Variants in CUL4A observed in about 807,000 individuals in gnomAD.
CUL4A encodes cullin 4A.
In CUL4A, 16 loss-of-function variants were observed where a neutral mutation model predicts 95.5. That is an observed-to-expected ratio of 0.17 (90% CI 0.11 to 0.25). The LOEUF is 0.25. Ranked by LOEUF, CUL4A falls within the 10% of genes least tolerant of loss-of-function variation. CUL4A has a pLI of 1.00. For synonymous variants in CUL4A, 380 were observed against 353.1 expected, an observed-to-expected ratio of 1.08 and a Z score of -0.85; for missense variants, 610 against 937.0, an observed-to-expected ratio of 0.65 and a Z score of 4.56.
intron 19 of CUL4A, among the ~76,000 whole-genome samples, chr13:113,261,051 CATA>C (rs1172049828): frequency 2.0e-5 from 3 of 152,170 alleles, no homozygotes; most frequent in South Asian, 2.1e-4. Context: ...ACACTTTTCT[CATA>C]GTAGTAGCGG....
rs1434362654 is a variant in CUL4A at position 113,266,961 on chromosome 13, CA to C, written c.*3380del. 2.6e-5 allele frequency: 4 copies of C among 152,154 alleles called. No homozygotes were observed. The highest frequency in any genetic ancestry group is 9.7e-5 in the African/African-American group (4 of 41,428). The allele number at this position is 152,154 out of a possible 1,614,324, so 9.4% of individuals were successfully genotyped here. A position where few individuals can be genotyped will look rare whatever the true frequency, so the allele number is the denominator to read the frequency against. On this transcript the variant is annotated 3_prime_UTR_variant, in exon 20 of 20. Coordinates refer to ENST00000375440, the MANE Select transcript of CUL4A (RefSeq NM_001008895.4). ...GACTAGTCAAGCTAGTTACATCCAT[CA>C]CCTCAAATACTTAACATTTTTGTAG...
At position 113,232,866 on chromosome 13, in the gene CUL4A, C is replaced by T. The variant is rs77407504; in HGVS notation, c.513-311C>T. On this transcript the variant is annotated intron_variant, in intron 5 of 19. Transcript: ENST00000375440. ...CCAACTGCCTGAGTGTCTCCCGTCG[C>T]TCAGCAGGAAGGTGGCGAGGACCCC... is the stretch of plus-strand genomic sequence containing the variant. Among the ~76,000 whole-genome samples the T allele has an allele frequency of 3.2e-4, 48 of 152,210 alleles. No individual in the cohort carries two copies. The East Asian group carries it at 8.9e-3, about 28-fold the overall frequency.
At chr13:113,211,957 G>A (rs1004542873) in intron 2 of CUL4A, among the ~76,000 whole-genome samples, 2 of 152,130 alleles carry the variant, frequency 1.3e-5, no homozygotes, top group African/African-American at 4.8e-5. Context: ...GGGAGCTCCA[G>A]TTCCACTCCG....
At chr13:113,246,944 G>A (rs189036819) in intron 15 of CUL4A, among the ~76,000 whole-genome samples, 13 of 152,286 alleles carry the variant, frequency 8.5e-5, no homozygotes, top group Non-Finnish European at 1.9e-4. Flanking sequence ...ACCTGGGGCT[G>A]GGTAATTTGT....
intron 3 of CUL4A, among the ~76,000 whole-genome samples, chr13:113,225,735 T>C (rs1455459016): frequency 6.6e-6 from 1 of 152,268 alleles, no homozygotes; most frequent in East Asian, 1.9e-4. Flanking sequence ...GAGTCAGAGC[T>C]GCAGGATGGC....
At position 113,260,708 on chromosome 13, in the gene CUL4A, T is replaced by G; in HGVS notation, c.2133T>G (p.Gly711=). ...TAATGAAGATGAGAAAGACTCTTGG[T>G]CATAATCTTCTAGTTTCTGAATTAT... The part of the protein sequence containing the change: ...VRIMKMRKTL[G]HNLLVSELYN... The change falls in exon 19 of 20, where the codon GGT becomes GGG. Residue 711 remains glycine (G), a synonymous_variant. Transcript: ENST00000375440. 1 of 1,608,624 alleles carries G rather than the reference T, an allele frequency of 6.2e-7. No individual in the cohort carries two copies. The highest frequency in any genetic ancestry group is 1.1e-5 in the South Asian group (1 of 90,020).
Position 113,266,830 on chromosome 13 carries a change from A to G in CUL4A, c.*3248A>G, listed in dbSNP as rs1566384213. ...GTCAAGTATTTACGTGTAAAAAAAT[A>G]CATATATATGAAACCATAATCATAA... On this transcript the variant is annotated 3_prime_UTR_variant, in exon 20 of 20. Coordinates refer to ENST00000375440, the MANE Select transcript of CUL4A (RefSeq NM_001008895.4). The G allele has an allele frequency of 6.7e-6, 1 of 149,772 alleles. No homozygotes were observed. The highest frequency in any genetic ancestry group is 1.5e-5 in the Non-Finnish European group (1 of 68,036). 9.3% of individuals were successfully genotyped at this position (149,772 alleles called of 1,614,324 possible).
chr13:113,265,423 T>C lies in CUL4A; in HGVS notation c.*1841T>C, dbSNP rs1294368253. On this transcript the variant is annotated 3_prime_UTR_variant, in exon 20 of 20. Transcript: ENST00000375440. ...TTTTAATTGAGGTGGAGTCTTGCTC[T>C]GTTGCCCAAGCTGGAGTGCAGTGGT... 6.6e-6 allele frequency: 1 copy of C among 152,374 alleles called. No individual in the cohort carries two copies. Among genetic ancestry groups the C allele is most frequent in the Non-Finnish European group, 1.5e-5 (1 of 68,140 alleles). 9.4% of individuals were successfully genotyped at this position (152,374 alleles called of 1,614,324 possible). A position where few individuals can be genotyped will look rare whatever the true frequency, so the allele number is the denominator to read the frequency against.
intron 15 of CUL4A, among the ~76,000 whole-genome samples, chr13:113,248,334 T>G (rs1159732164): frequency 2.6e-5 from 4 of 152,168 alleles, no homozygotes; most frequent in Non-Finnish European, 4.4e-5. Flanking sequence ...ATTTACTTAT[T>G]TATTTCTCTC....
chr13:113,229,204 A>G (rs372983030), intron 4 of CUL4A, among the ~76,000 whole-genome samples: 18 of 152,354 alleles, frequency 1.2e-4, no homozygotes, highest in Admixed American at 3.9e-4. Context: ...AAGAAAAAAA[A>G]GATACCATTT....
intron 18 of CUL4A, among the ~76,000 whole-genome samples, chr13:113,255,508 A>G (rs9549718): frequency 0.21 from 31,311 of 152,122 alleles, 3,895 homozygotes; most frequent in South Asian, 0.44. Flanking sequence ...CCACCATTAT[A>G]GGATCATACA....
chr13:113,259,711 TTTG>T (rs1336525601), intron 18 of CUL4A, among the ~76,000 whole-genome samples: 1 of 152,240 alleles, frequency 6.6e-6, no homozygotes, highest in African/African-American at 2.4e-5. Context: ...GTCATTATGT[TTTG>T]TTTACTGTGC....
At chr13:113,238,367 C>T (rs2041611465) in intron 9 of CUL4A, among the ~76,000 whole-genome samples, 1 of 151,834 alleles carries the variant, frequency 6.6e-6, no homozygotes, top group Non-Finnish European at 1.5e-5. Context: ...GGGAGGATCA[C>T]TTTGGCCCAG....
intron 18 of CUL4A, among the ~76,000 whole-genome samples, chr13:113,259,533 G>A (rs1411553586): frequency 6.6e-6 from 1 of 152,026 alleles, no homozygotes; most frequent in African/African-American, 2.4e-5. Flanking sequence ...ATTCATCCTT[G>A]TATGCTAATG....
At chr13:113,233,837 A>G in intron 6 of CUL4A, 60 bp from the exon 7 acceptor site, 1 of 973,346 alleles carries the variant, frequency 1.0e-6, no homozygotes, top group Non-Finnish European at 1.7e-6. Flanking sequence ...GGGATGTGTT[A>G]GCACTTGTGA....
chr13:113,243,221 A>C, intron 11 of CUL4A, 61 bp downstream of exon 11: 1 of 1,487,192 alleles, frequency 6.7e-7, no homozygotes, highest in East Asian at 2.3e-5. Context: ...CCATTTCTAG[A>C]CAATTTTTTA....
Position 113,229,300 on chromosome 13 carries a change from T to C in CUL4A, c.439-146T>C, listed in dbSNP as rs911659659. Reference sequence around the variant, plus strand: ...CATACCAAGGGGACAAAATTAACTTTAGAAAAAAAAAATAAAACATGAGGG... The same window carrying C: ...CATACCAAGGGGACAAAATTAACTTCAGAAAAAAAAAATAAAACATGAGGG... On this transcript the variant is annotated intron_variant, in intron 4 of 19. Transcript: ENST00000375440. 7.7e-5 allele frequency: 51 copies of C among 665,028 alleles called. 1 individual carries two copies. In the South Asian group the frequency reaches 8.4e-4, roughly 11 times the overall value. 41.2% of individuals were successfully genotyped at this position (665,028 alleles called of 1,614,324 possible). A position where few individuals can be genotyped will look rare whatever the true frequency, so the allele number is the denominator to read the frequency against.
intron 9 of CUL4A, among the ~76,000 whole-genome samples, chr13:113,238,717 C>T (rs2139213356): frequency 6.6e-6 from 1 of 152,232 alleles, no homozygotes; most frequent in African/African-American, 2.4e-5. Flanking sequence ...GTAATTATAG[C>T]CCCACCATGT....
At chr13:113,238,508 A>C (rs1318399456) in intron 9 of CUL4A, among the ~76,000 whole-genome samples, 2 of 152,192 alleles carry the variant, frequency 1.3e-5, no homozygotes, top group East Asian at 3.8e-4. Flanking sequence ...TACTTTGTTA[A>C]GCAAAATTAT....
Sources: gnomAD v4.1 joint callset for allele counts (sites outside exome capture counted in the v4.1 genomes callset) on GRCh38, gnomAD v4.1.1 for gene constraint, MANE v1.5 for transcripts, NCBI Gene and HGNC (gene_info 2026-07-23, HGNC 2026-07-21) for gene names.